The following SDCBP2 variants were observed in gnomAD, a reference collection of about 807,000 sequenced individuals.
The protein encoded by SDCBP2 is syntenin-2.
In SDCBP2, 28 loss-of-function variants were observed where a neutral mutation model predicts 30.7. That is an observed-to-expected ratio of 0.91 (90% CI 0.68 to 1.25). The LOEUF is 1.25. Among genes scored for constraint, SDCBP2 ranks in the 50% most tolerant of loss-of-function variants. SDCBP2 has a pLI of 0.00. For missense variants in SDCBP2, 399 were observed against 379.0 expected, an observed-to-expected ratio of 1.05 and a Z score of -0.44; for synonymous variants, 166 against 157.3, an observed-to-expected ratio of 1.06 and a Z score of -0.41.
chr20:1,315,340 G>A (rs531645920), intron 4 of SDCBP2, among the ~76,000 whole-genome samples: 20 of 152,310 alleles, frequency 1.3e-4, no homozygotes, highest in South Asian at 1.2e-3. Context: ...GACCAGCCTG[G>A]GCAACAGGGT....
rs1298583786 is a variant in SDCBP2, at chr20:1,320,309, T to G, written c.54+54A>C. The G allele has an allele frequency of 3.6e-5, 56 of 1,546,504 alleles. No homozygotes were observed. Among genetic ancestry groups the G allele is most frequent in the Non-Finnish European group, 4.7e-5 (53 of 1,124,416 alleles). On this transcript the variant is annotated intron_variant, in intron 2 of 8. Coordinates refer to ENST00000360779, the MANE Select transcript of SDCBP2 (RefSeq NM_080489.5). This position sits in a 1 kb window ranked among gnomAD's most constrained non-coding sequence, Gnocchi z 4.7. ...CCCCAGTACCCAGCACCTTCCAGGG[T>G]AATCCCCAAGGTCCCCTTCAGGGAA...
intron 4 of SDCBP2, among the ~76,000 whole-genome samples, chr20:1,315,249 G>A (rs1353120142): frequency 1.3e-5 from 2 of 152,194 alleles, no homozygotes; most frequent in Non-Finnish European, 2.9e-5. Flanking sequence ...AATGGTGTTG[G>A]CTGGGCGCAG....
chr20:1,316,273 A>G (rs1600279629), intron 4 of SDCBP2, among the ~76,000 whole-genome samples: 1 of 152,390 alleles, frequency 6.6e-6, no homozygotes, highest in South Asian at 2.1e-4. Context: ...TATACCTATC[A>G]TAGTGGCTAA....
chr20:1,328,402 T>C (rs1568567259), intron 1 of SDCBP2, among the ~76,000 whole-genome samples: 1 of 151,678 alleles, frequency 6.6e-6, no homozygotes, highest in Non-Finnish European at 1.5e-5. Context: ...AGGTGGGAAG[T>C]GATGGTGGTG....
Position 1,313,629 on chromosome 20 carries a change from A to G in SDCBP2, c.226-131T>C. Reference sequence around the variant, plus strand: ...CCGGGTCCCCCCACGTCCCCAGTCCACGCTTCTCCCCTAGGGGCGAGAGGA... The same window carrying G: ...CCGGGTCCCCCCACGTCCCCAGTCCGCGCTTCTCCCCTAGGGGCGAGAGGA... On this transcript the variant is annotated intron_variant, in intron 4 of 8. Coordinates refer to ENST00000360779, the MANE Select transcript of SDCBP2 (RefSeq NM_080489.5). The surrounding 1 kb of genome is among the most constrained non-coding windows in gnomAD (Gnocchi z 5.2). 3.5e-6 allele frequency: 5 copies of G among 1,418,574 alleles called. No homozygotes were observed. The highest frequency in any genetic ancestry group is 4.6e-6 in the Non-Finnish European group (5 of 1,089,156). The allele number at this position is 1,418,574 out of a possible 1,614,324, so 87.9% of individuals were successfully genotyped here. A position where few individuals can be genotyped will look rare whatever the true frequency, so the allele number is the denominator to read the frequency against.
In SDCBP2 at chr20:1,313,217, C is replaced by G; in HGVS notation, c.384+123G>C. 2 of 1,054,202 alleles carry G rather than the reference C, an allele frequency of 1.9e-6. No individual in the cohort carries two copies. Among genetic ancestry groups the G allele is most frequent in the Non-Finnish European group, 1.4e-6 (1 of 723,180 alleles). The allele number at this position is 1,054,202 out of a possible 1,614,324, so 65.3% of individuals were successfully genotyped here. A position where few individuals can be genotyped will look rare whatever the true frequency, so the allele number is the denominator to read the frequency against. ...GAGGGACTGGGGGCAAGAGCCTGGC[C>G]GCTGGGGTTAGGAGGCCCGCTCTGC... On this transcript the variant is annotated intron_variant, in intron 5 of 8. Transcript: ENST00000360779. This position sits in a 1 kb window ranked among gnomAD's most constrained non-coding sequence, Gnocchi z 5.2.
Position 1,313,118 on chromosome 20 carries a change from CG to C in SDCBP2, c.384+221del, listed in dbSNP as rs2088705624. The C allele has an allele frequency of 1.7e-6, 1 of 603,538 alleles. No individual in the cohort carries two copies. Among genetic ancestry groups the C allele is most frequent in the African/African-American group, 1.9e-5 (1 of 53,700 alleles). 37.4% of individuals were successfully genotyped at this position (603,538 alleles called of 1,614,324 possible). On this transcript the variant is annotated intron_variant, in intron 5 of 8. Transcript: ENST00000360779. The surrounding 1 kb of genome is among the most constrained non-coding windows in gnomAD (Gnocchi z 5.2). ...GGTGGGGAAGGGAGGCTCCTCCGAG[CG>C]ACGGAAGCCCACGGAGAGGCCAGTG...
rs748989578 is a variant in SDCBP2, at chr20:1,312,511, G to T, written c.561-3C>A. 1.2e-6 allele frequency: 2 copies of T among 1,614,154 alleles called. No individual in the cohort carries two copies. On this transcript the variant is annotated splice_region_variant and splice_polypyrimidine_tract_variant and intron_variant, in intron 6 of 8. Coordinates refer to ENST00000360779, the MANE Select transcript of SDCBP2 (RefSeq NM_080489.5). ...TGGTGACAGTCCGCTGGAACGGCCTGGCAGGAGGGACAGTGAGCTGTCCTG... is the reference window on the plus strand; with the variant it reads ...TGGTGACAGTCCGCTGGAACGGCCTTGCAGGAGGGACAGTGAGCTGTCCTG...
At chr20:1,323,636 C>T (rs1399637730) in intron 1 of SDCBP2, 1 of 152,140 alleles carries the variant, frequency 6.6e-6, no homozygotes, top group Non-Finnish European at 1.5e-5. Context: ...GACAATGCCC[C>T]TCACTCCCCA....
In SDCBP2 at chr20:1,313,575, G is replaced by A; in HGVS notation, c.226-77C>T. On this transcript the variant is annotated intron_variant, in intron 4 of 8. Transcript: ENST00000360779. The surrounding 1 kb of genome is among the most constrained non-coding windows in gnomAD (Gnocchi z 5.2). ...CTCAGGAGACACTGGGGTGGGGGTAGGGATGGGGAAAGGAGGATGGAGCCG... is the reference window on the plus strand; with the variant it reads ...CTCAGGAGACACTGGGGTGGGGGTAAGGATGGGGAAAGGAGGATGGAGCCG... 1 of 1,468,990 alleles carries A rather than the reference G, an allele frequency of 6.8e-7. No individual in the cohort carries two copies. The highest frequency in any genetic ancestry group is 1.3e-5 in the South Asian group (1 of 74,102). The allele number at this position is 1,468,990 out of a possible 1,614,324, so 91.0% of individuals were successfully genotyped here.
chr20:1,312,757 G>C lies in SDCBP2; in HGVS notation c.390C>G (p.Leu130=). ...GLRLRKVDQG[L]FVQLVQANTP... is the part of the protein sequence containing the mutation. ...TGTTGGCCTGGACCAACTGCACAAA[G>C]AGCCCCTGGGGGAGGCAGGGCCCCA... The change falls in exon 6 of 9, where the codon CTC becomes CTG. Residue 130 remains leucine (L), a synonymous_variant. Transcript: ENST00000360779. 6.2e-7 allele frequency: 1 copy of C among 1,610,518 alleles called. No individual in the cohort carries two copies. The highest frequency in any genetic ancestry group is 1.3e-5 in the African/African-American group (1 of 75,000).
At position 1,317,196 on chromosome 20, in the gene SDCBP2, C is replaced by A. The variant is rs547219033; in HGVS notation, c.225+1122G>T. Reference sequence around the variant, plus strand: ...AGTACTGGTTACATGAATCTACACACTGATGAAATGACATAGAACTAGAGA... The same window carrying A: ...AGTACTGGTTACATGAATCTACACAATGATGAAATGACATAGAACTAGAGA... On this transcript the variant is annotated intron_variant, in intron 4 of 8. Transcript: ENST00000360779. 2.0e-5 allele frequency among the ~76,000 whole-genome samples: 3 copies of A among 152,182 alleles called. No individual in the cohort carries two copies. The East Asian group carries it at 5.8e-4, about 29-fold the overall frequency.
chr20:1,327,522 C>G (rs1047869350), intron 1 of SDCBP2, among the ~76,000 whole-genome samples: 6 of 152,202 alleles, frequency 3.9e-5, no homozygotes, highest in African/African-American at 1.2e-4. Context: ...CATGTACCCC[C>G]ACTCCTCCTC....
At chr20:1,319,813 G>A (rs368317027) in intron 2 of SDCBP2, among the ~76,000 whole-genome samples, 154 bp from the exon 3 acceptor site, 3 of 152,176 alleles carry the variant, frequency 2.0e-5, no homozygotes, top group South Asian at 2.1e-4. Flanking sequence ...TCAAGATCAC[G>A]TAAACGTGGC....
intron 4 of SDCBP2, chr20:1,318,031 T>G (rs964322454): frequency 2.1e-6 from 1 of 465,616 alleles, no homozygotes; most frequent in Non-Finnish European, 4.2e-6. Flanking sequence ...AGGTTCACGC[T>G]GGGCTTAATG....
chr20:1,320,695 GA>G lies in SDCBP2; in HGVS notation c.-19-261del, dbSNP rs1193540778. On this transcript the variant is annotated intron_variant, in intron 1 of 8. Coordinates refer to ENST00000360779, the MANE Select transcript of SDCBP2 (RefSeq NM_080489.5). The surrounding 1 kb of genome is among the most constrained non-coding windows in gnomAD (Gnocchi z 4.7). The stretch of plus-strand genomic sequence containing the variant: ...GTAAGACCAGTAGGAAATTTATAAA[GA>G]CTCTCACACAAACTGTAGCAGAACT... The G allele has an allele frequency of 3.0e-6, 1 of 330,170 alleles. No homozygotes were observed. Among genetic ancestry groups the G allele is most frequent in the African/African-American group, 2.1e-5 (1 of 47,754 alleles). 20.5% of individuals were successfully genotyped at this position (330,170 alleles called of 1,614,324 possible).
At position 1,320,305 on chromosome 20, in the gene SDCBP2, A is replaced by T. The variant is rs1002566213; in HGVS notation, c.54+58T>A. 7.9e-6 allele frequency: 12 copies of T among 1,520,198 alleles called. No homozygotes were observed. Among genetic ancestry groups the T allele is most frequent in the Non-Finnish European group, 1.1e-5 (12 of 1,101,536 alleles). The allele number at this position is 1,520,198 out of a possible 1,614,324, so 94.2% of individuals were successfully genotyped here. On this transcript the variant is annotated intron_variant, in intron 2 of 8. Transcript: ENST00000360779. This position sits in a 1 kb window ranked among gnomAD's most constrained non-coding sequence, Gnocchi z 4.7. Reference sequence around the variant, plus strand: ...GTGGCCCCAGTACCCAGCACCTTCCAGGGTAATCCCCAAGGTCCCCTTCAG... The same window carrying T: ...GTGGCCCCAGTACCCAGCACCTTCCTGGGTAATCCCCAAGGTCCCCTTCAG...
rs1418674124 is a variant in SDCBP2 at position 1,324,481 on chromosome 20, C to A, written c.-19-4046G>T. On this transcript the variant is annotated intron_variant, in intron 1 of 8. Coordinates refer to ENST00000360779, the MANE Select transcript of SDCBP2 (RefSeq NM_080489.5). The surrounding 1 kb of genome is among the most constrained non-coding windows in gnomAD (Gnocchi z 4.7). The stretch of plus-strand genomic sequence containing the variant: ...TATGAAACTCCTGTAATGGATGGGA[C>A]AGTCCATTACAGTCACCATAACAAA... 6.6e-6 allele frequency: 1 copy of A among 152,110 alleles called. No homozygotes were observed. Among genetic ancestry groups the A allele is most frequent in the African/African-American group, 2.4e-5 (1 of 41,410 alleles). 9.4% of individuals were successfully genotyped at this position (152,110 alleles called of 1,614,324 possible). A position where few individuals can be genotyped will look rare whatever the true frequency, so the allele number is the denominator to read the frequency against.
chr20:1,320,596 G>A lies in SDCBP2; in HGVS notation c.-19-161C>T. On this transcript the variant is annotated intron_variant, in intron 1 of 8. Coordinates refer to ENST00000360779, the MANE Select transcript of SDCBP2 (RefSeq NM_080489.5). This position sits in a 1 kb window ranked among gnomAD's most constrained non-coding sequence, Gnocchi z 4.7. ...CCCCGAACTCCACCCCTAATCCCCT[G>A]TCGATATTTGAACTCTACTGTATTC... is the stretch of plus-strand genomic sequence containing the variant. 1 of 566,596 alleles carries A rather than the reference G, an allele frequency of 1.8e-6. No individual in the cohort carries two copies. The highest frequency in any genetic ancestry group is 3.1e-5 in the Admixed American group (1 of 31,796). The allele number at this position is 566,596 out of a possible 1,614,324, so 35.1% of individuals were successfully genotyped here. A position where few individuals can be genotyped will look rare whatever the true frequency, so the allele number is the denominator to read the frequency against.
Sources: allele counts gnomAD v4.1 joint callset (sites outside exome capture counted in the v4.1 genomes callset), GRCh38; gene constraint gnomAD v4.1.1; non-coding constraint Gnocchi (gnomAD v3.1); transcripts MANE v1.5; gene names NCBI Gene and HGNC (gene_info 2026-07-23, HGNC 2026-07-21).